DAB1: variants seen among roughly 807,000 people sequenced by gnomAD.
DAB1 encodes the protein disabled homolog 1.
Under a neutral mutation model 64.6 loss-of-function variants are expected in DAB1, and 15 were observed. The observed-to-expected ratio is 0.23, with a 90% CI of 0.16 to 0.36. The LOEUF (loss-of-function observed/expected upper bound fraction) is 0.36. Ranked by LOEUF, DAB1 falls within the 10% of genes least tolerant of loss-of-function variation. The pLI, the probability that DAB1 is intolerant of heterozygous loss-of-function variation, is 1.00. For synonymous variants in DAB1, 235 were observed against 251.9 expected, an observed-to-expected ratio of 0.93 and a Z score of 0.64; for missense variants, 596 against 706.7, an observed-to-expected ratio of 0.84 and a Z score of 1.78.
intron 1 of DAB1, among the ~76,000 whole-genome samples, chr1:57,382,002 CTTGT>C (rs1416126376): frequency 1.3e-5 from 2 of 152,092 alleles, no homozygotes; most frequent in South Asian, 2.1e-4. Flanking sequence ...TGCTGGGTGG[CTTGT>C]TTGTTTGTAT....
At chr1:57,051,728 CA>C (rs1019043795) in intron 9 of DAB1, among the ~76,000 whole-genome samples, 3 of 152,102 alleles carry the variant, frequency 2.0e-5, no homozygotes, top group African/African-American at 7.2e-5. Flanking sequence ...AGCAGTGTGC[CA>C]GACAGAGTGA....
intron 7 of DAB1, among the ~76,000 whole-genome samples, chr1:57,433,441 A>T (rs1238028206): frequency 6.6e-6 from 1 of 152,142 alleles, no homozygotes; most frequent in East Asian, 1.9e-4. Context: ...CATTGAGGAA[A>T]GTCTTTAAAA....
At chr1:57,878,355 T>A (rs973719757) in intron 1 of DAB1, 4 of 152,192 alleles carry the variant, frequency 2.6e-5, no homozygotes, top group African/African-American at 9.6e-5. Flanking sequence ...TTCAGACACT[T>A]CCAGACAATT....
intron 7 of DAB1, among the ~76,000 whole-genome samples, chr1:57,561,674 A>G (rs527876685): frequency 1.3e-5 from 2 of 152,336 alleles, no homozygotes; most frequent in East Asian, 3.9e-4. Context: ...CCGTCTTCAC[A>G]CCAAGGGACA....
chr1:57,172,194 C>T (rs1240743307), intron 2 of DAB1, among the ~76,000 whole-genome samples: 1 of 152,186 alleles, frequency 6.6e-6, no homozygotes, highest in African/African-American at 2.4e-5. Flanking sequence ...AGTGAAGTCA[C>T]TATGACCTCG....
chr1:58,139,694 T>C (rs1654167878), intron 5 of DAB1, among the ~76,000 whole-genome samples: 1 of 152,190 alleles, frequency 6.6e-6, no homozygotes, highest in Non-Finnish European at 1.5e-5. Context: ...AAAAGTCTGA[T>C]ACGAAGTCTG....
intron 6 of DAB1, among the ~76,000 whole-genome samples, chr1:57,807,248 T>C (rs1215420365): frequency 2.0e-5 from 3 of 152,218 alleles, no homozygotes; most frequent in Non-Finnish European, 2.9e-5. Flanking sequence ...CTGTAGACCT[T>C]ATTTCCCTTT....
intron 3 of DAB1, among the ~76,000 whole-genome samples, chr1:58,462,227 C>T (rs534083566): frequency 2.0e-5 from 3 of 150,216 alleles, no homozygotes; most frequent in South Asian, 2.1e-4. Context: ...CCCGGGTTCA[C>T]GCCATTCTCC....
At chr1:58,484,203 G>A (rs749350815) in intron 3 of DAB1, among the ~76,000 whole-genome samples, 6 of 152,074 alleles carry the variant, frequency 3.9e-5, no homozygotes, top group East Asian at 1.9e-4. Context: ...GTATTTCTCC[G>A]TTACTGGGCA....
At chr1:57,494,940 GC>G (rs1355013108) in intron 7 of DAB1, among the ~76,000 whole-genome samples, 2 of 152,108 alleles carry the variant, frequency 1.3e-5, no homozygotes, top group African/African-American at 4.8e-5. Flanking sequence ...GGAAGTGTCA[GC>G]ACGGATGACA....
chr1:57,545,229 C>A (rs921211062), intron 7 of DAB1, among the ~76,000 whole-genome samples: 3 of 152,184 alleles, frequency 2.0e-5, no homozygotes, highest in Non-Finnish European at 2.9e-5. Context: ...CCCTGACTAC[C>A]CAATCTAATA....
rs11579819 is a variant in DAB1, at chr1:57,947,899, C to T, written n.388-63737G>A. ...ATCCCAAACTAAAATAAACCGTGGT[C>T]TCCTTCTGAAATGTTCAAATTCTCT... is the stretch of plus-strand genomic sequence containing the variant. On this transcript the variant is annotated intron_variant and non_coding_transcript_variant, in intron 5 of 20. Transcript: ENST00000485760. Among the ~76,000 whole-genome samples, 320 of 152,334 alleles carry T rather than the reference C, an allele frequency of 2.1e-3. 2 individuals carry two copies. Among genetic ancestry groups the T allele is most frequent in the Non-Finnish European group, 3.5e-3 (238 of 68,036 alleles).
chr1:57,951,716 G>C (rs1645283902), intron 5 of DAB1, among the ~76,000 whole-genome samples: 1 of 152,088 alleles, frequency 6.6e-6, no homozygotes, highest in East Asian at 1.9e-4. Flanking sequence ...CTTAGTAGAT[G>C]CCCAGTGAAT....
In DAB1 at chr1:57,015,223, G is replaced by A. The variant is rs148158311; in HGVS notation, c.1104C>T (p.Pro368=). The A allele has an allele frequency of 2.0e-3, 3,235 of 1,614,042 alleles. 11 individuals carry two copies. The highest frequency in any genetic ancestry group is 1.8e-3 in the Non-Finnish European group (2,158 of 1,180,008). ...CTGGCAAAGGCATAACAGTTTGTGTGGGCATGAAGGCGGCTGGCGGAAACT... is the reference window on the plus strand; with the variant it reads ...CTGGCAAAGGCATAACAGTTTGTGTAGGCATGAAGGCGGCTGGCGGAAACT... The part of the protein sequence containing the change: ...AGQFPPAAFM[P]TQTVMPLPAA... The change falls in exon 12 of 15, where the codon CCC becomes CCT. Residue 368 remains proline (P), a synonymous_variant. Transcript: ENST00000371236.
chr1:57,700,649 TA>T (rs1429312655), intron 6 of DAB1, among the ~76,000 whole-genome samples: 6 of 152,210 alleles, frequency 3.9e-5, no homozygotes, highest in Admixed American at 1.3e-4. Context: ...CTTTTATTTT[TA>T]TATGCCTTGA....
chr1:57,508,279 G>C (rs1487651695), intron 7 of DAB1, among the ~76,000 whole-genome samples: 3 of 152,134 alleles, frequency 2.0e-5, no homozygotes, highest in East Asian at 1.9e-4. Flanking sequence ...ATGAATGAAT[G>C]CCTGATGAGG....
chr1:57,606,048 T>G (rs374428589), intron 7 of DAB1: 1 of 607,794 alleles, frequency 1.6e-6, no homozygotes, highest in Non-Finnish European at 3.1e-6. Flanking sequence ...GTATTCAAAC[T>G]GGTCCTTTCC....
Position 58,323,735 on chromosome 1 carries a change from C to T in DAB1, n.309+19617G>A, listed in dbSNP as rs1448279076. On this transcript the variant is annotated intron_variant and non_coding_transcript_variant, in intron 4 of 20. Coordinates refer to the DAB1 transcript ENST00000485760. ...GGTCAGGAGATCGAGACCATCCTGG[C>T]TAACACGGTGAAACCTCGTCTCTAC... is the stretch of plus-strand genomic sequence containing the variant. Among the ~76,000 whole-genome samples the T allele has an allele frequency of 8.5e-5, 13 of 152,056 alleles. No individual in the cohort carries two copies. In the East Asian group the frequency reaches 2.5e-3, roughly 29 times the overall value.
chr1:57,984,487 A>G (rs983679342), intron 5 of DAB1, among the ~76,000 whole-genome samples: 1 of 152,238 alleles, frequency 6.6e-6, no homozygotes, highest in Non-Finnish European at 1.5e-5. Context: ...GCAACAATTA[A>G]GAATATAATT....
Sources: allele counts gnomAD v4.1 joint callset (sites outside exome capture counted in the v4.1 genomes callset), GRCh38; gene constraint gnomAD v4.1.1; transcripts MANE v1.5; gene names NCBI Gene and HGNC (gene_info 2026-07-23, HGNC 2026-07-21).